The following GPR157 variants were observed in gnomAD, a reference collection of about 807,000 sequenced individuals.
GPR157 encodes G-protein coupled receptor 157.
In GPR157, 16 loss-of-function variants were observed where a neutral mutation model predicts 23.5. The observed-to-expected ratio is 0.68, with a 90% CI of 0.46 to 1.04. The LOEUF is 1.04. Among genes scored for constraint, GPR157 ranks in the 50% least tolerant of loss-of-function variants. The pLI is 0.00. For missense variants in GPR157, 440 were observed against 460.7 expected (o/e 0.96, Z 0.41); for synonymous variants, 200 against 221.5 (o/e 0.90, Z 0.86).
rs569071030 is a variant in GPR157, at chr1:9,103,060, G to A, written c.*1359C>T. On this transcript the variant is annotated 3_prime_UTR_variant, in exon 4 of 4. Coordinates refer to ENST00000377411, the MANE Select transcript of GPR157 (RefSeq NM_024980.5). ...CCTGAGTAGTAGGGACTACAGGCAC[G>A]CACCACCACATCAGCTCCGGGCGAC... 7.4e-6 allele frequency: 1 copy of A among 134,284 alleles called. No homozygotes were observed. The highest frequency in any genetic ancestry group is 8.1e-5 in the Admixed American group (1 of 12,324). 8.3% of individuals were successfully genotyped at this position (134,284 alleles called of 1,614,324 possible).
intron 1 of GPR157, among the ~76,000 whole-genome samples, chr1:9,119,167 G>C (rs1385440036): frequency 6.6e-6 from 1 of 151,996 alleles, no homozygotes; most frequent in Non-Finnish European, 1.5e-5. Flanking sequence ...CAAATAGCTG[G>C]GATCACAGGC....
intron 1 of GPR157, among the ~76,000 whole-genome samples, chr1:9,122,764 G>C (rs1184956580): frequency 2.0e-5 from 3 of 152,090 alleles, no homozygotes; most frequent in Non-Finnish European, 4.4e-5. Context: ...TGGGAGAACT[G>C]TTTCAGATGG....
chr1:9,114,127 G>A (rs1176613776), intron 1 of GPR157, among the ~76,000 whole-genome samples: 1 of 151,772 alleles, frequency 6.6e-6, no homozygotes, highest in Non-Finnish European at 1.5e-5. Context: ...TCAGGAGTTC[G>A]AGACCAGCCT....
chr1:9,111,519 G>A, intron 1 of GPR157, 30 bp from the exon 2 acceptor site: 1 of 1,589,360 alleles, frequency 6.3e-7, no homozygotes. Flanking sequence ...AGAGGCATCG[G>A]GGTCAGGCCA....
intron 2 of GPR157, among the ~76,000 whole-genome samples, chr1:9,109,546 C>T (rs2124510795): frequency 6.6e-6 from 1 of 152,154 alleles, no homozygotes; most frequent in South Asian, 2.1e-4. Flanking sequence ...GTGTGTGCCA[C>T]CACATCCAGC....
At chr1:9,124,625 G>C (rs1342263992) in intron 1 of GPR157, among the ~76,000 whole-genome samples, 1 of 152,074 alleles carries the variant, frequency 6.6e-6, no homozygotes, top group Non-Finnish European at 1.5e-5. Context: ...GCCTCTTTAG[G>C]GTTATGGCAT....
In GPR157 at chr1:9,123,163, G is replaced by GGGAA. The variant is rs374439585; in HGVS notation, c.383+5481_383+5482insTTCC. On this transcript the variant is annotated intron_variant, in intron 1 of 3. Coordinates refer to ENST00000377411, the MANE Select transcript of GPR157 (RefSeq NM_024980.5). ...ACAAGAGTGAAACTGTCTTGGGTGG[G>GGGAA]AAAAAAAAAAAATATATATATATAT... Among the ~76,000 whole-genome samples the GGGAA allele has an allele frequency of 1.0e-4, 9 of 87,572 alleles. 1 individual carries two copies. Among genetic ancestry groups the GGGAA allele is most frequent in the African/African-American group, 3.9e-4 (9 of 23,040 alleles). The allele number at this position is 87,572 out of a possible 152,430, so 57.5% of individuals were successfully genotyped here.
chr1:9,111,564 C>CCACA, intron 1 of GPR157, 75 bp from the exon 2 acceptor site: 1 of 1,204,710 alleles, frequency 8.3e-7, no homozygotes, highest in Non-Finnish European at 1.2e-6. Flanking sequence ...GCAAAAATGA[C>CCACA]GGAGGACGCC....
intron 2 of GPR157, among the ~76,000 whole-genome samples, chr1:9,110,663 G>A (rs1244789080): frequency 1.3e-5 from 2 of 152,214 alleles, no homozygotes; most frequent in East Asian, 3.8e-4. Flanking sequence ...TGCAGACTGG[G>A]AGGCAGGAAC....
At chr1:9,123,315 A>ATAT (rs1348739256) in intron 1 of GPR157, among the ~76,000 whole-genome samples, 1,997 of 27,190 alleles carry the variant, frequency 0.073, 202 homozygotes, top group African/African-American at 0.22. Flanking sequence ...TTAAATATAT[A>ATAT]TTAAAATATA....
rs1638276230 is a variant in GPR157, at chr1:9,105,540, C to A, written c.738G>T (p.Val246=). 1 of 1,595,194 alleles carries A rather than the reference C, an allele frequency of 6.3e-7. No individual in the cohort carries two copies. The highest frequency in any genetic ancestry group is 8.5e-7 in the Non-Finnish European group (1 of 1,171,884). ...CGGCCGGGGAGCCACAGAGGGTCAG[C>A]ACGAACCGCACGGTGCTCCAGACCC... ...GLRVWSTVRF[V]LTLCGSPAVQ... Residue 246 remains valine, a synonymous_variant, in exon 3 of 4, where the codon GTG becomes GTT. Transcript: ENST00000377411. This position sits in a 1 kb window ranked among gnomAD's most constrained non-coding sequence, Gnocchi z 4.8.
intron 2 of GPR157, among the ~76,000 whole-genome samples, chr1:9,109,593 T>C (rs1270239454): frequency 6.6e-6 from 1 of 151,518 alleles, no homozygotes; most frequent in Non-Finnish European, 1.5e-5. Context: ...AGGGTTTCAC[T>C]GTGTTGGCCA....
Position 9,117,611 on chromosome 1 carries a change from A to G in GPR157, c.384-6122T>C, listed in dbSNP as rs539199939. Among the ~76,000 whole-genome samples, 117 of 152,234 alleles carry G rather than the reference A, an allele frequency of 7.7e-4. 1 individual carries two copies. In the Middle Eastern group the frequency reaches 0.014, roughly 18 times the overall value. On this transcript the variant is annotated intron_variant, in intron 1 of 3. Coordinates refer to ENST00000377411, the MANE Select transcript of GPR157 (RefSeq NM_024980.5). ...CCCATCTCTACTAAAAATACAAAAA[A>G]ATTAGCCGGACGTGGTGGTGGGCAC...
At chr1:9,119,253 G>C (rs1453546406) in intron 1 of GPR157, among the ~76,000 whole-genome samples, 1 of 152,014 alleles carries the variant, frequency 6.6e-6, no homozygotes, top group Admixed American at 6.6e-5. Flanking sequence ...GACTGGTCTT[G>C]AACTCCTGAC....
At chr1:9,108,687 C>T (rs1343283204) in intron 2 of GPR157, among the ~76,000 whole-genome samples, 1 of 152,200 alleles carries the variant, frequency 6.6e-6, no homozygotes, top group Non-Finnish European at 1.5e-5. Flanking sequence ...CTCACTCTGT[C>T]ACCCAGGCTG....
chr1:9,106,257 C>A (rs1437438770), intron 2 of GPR157, among the ~76,000 whole-genome samples: 1 of 152,186 alleles, frequency 6.6e-6, no homozygotes, highest in Non-Finnish European at 1.5e-5. Flanking sequence ...TCTGCCACTG[C>A]CCCCGTGTCC....
At position 9,104,303 on chromosome 1, in the gene GPR157, A is replaced by G. The variant is rs1642607052; in HGVS notation, c.*116T>C. On this transcript the variant is annotated 3_prime_UTR_variant, in exon 4 of 4. Coordinates refer to ENST00000377411, the MANE Select transcript of GPR157 (RefSeq NM_024980.5). ...TCTCCCAATGGAGCCGAGAGCATCA[A>G]TAGCGGGGGCTTCTGGTGCAGCAGA... 4 of 734,848 alleles carry G rather than the reference A, an allele frequency of 5.4e-6. No individual in the cohort carries two copies. The East Asian group carries it at 7.9e-5, about 14-fold the overall frequency. 45.5% of individuals were successfully genotyped at this position (734,848 alleles called of 1,614,324 possible). A position where few individuals can be genotyped will look rare whatever the true frequency, so the allele number is the denominator to read the frequency against.
intron 1 of GPR157, among the ~76,000 whole-genome samples, chr1:9,115,402 T>G (rs1638614219): frequency 6.6e-6 from 1 of 152,198 alleles, no homozygotes; most frequent in Admixed American, 6.5e-5. Context: ...ACCCTGGATT[T>G]TGCCAACCTG....
chr1:9,104,465 T>G lies in GPR157; in HGVS notation c.962A>C (p.Glu321Ala), dbSNP rs768389948. 1 of 1,612,854 alleles carries G rather than the reference T, an allele frequency of 6.2e-7. No individual in the cohort carries two copies. Among genetic ancestry groups the G allele is most frequent in the Non-Finnish European group, 8.5e-7 (1 of 1,179,858 alleles). ...PKAPAPSKPG[E>A]SQESQGTPGE... is the part of the protein sequence containing the mutation. The stretch of plus-strand genomic sequence containing the variant: ...TGGGGTCCCTTGGGATTCCTGAGAT[T>G]CTCCTGGCTTGGAAGGCGCGGGAGC... Residue 321 changes from glutamate (E) to alanine (A), a missense_variant, in exon 4 of 4, where the codon GAA becomes GCA. Transcript: ENST00000377411.
Sources: allele counts gnomAD v4.1 joint callset (sites outside exome capture counted in the v4.1 genomes callset), GRCh38; gene constraint gnomAD v4.1.1; non-coding constraint Gnocchi (gnomAD v3.1); transcripts MANE v1.5; gene names NCBI Gene and HGNC (gene_info 2026-07-23, HGNC 2026-07-21).